The following CENPP variants were observed in gnomAD, a reference collection of about 807,000 sequenced individuals.
CENPP encodes centromere protein P.
In CENPP, 24 loss-of-function variants were observed where a neutral mutation model predicts 35.6. That is an observed-to-expected ratio of 0.67 (90% confidence interval 0.49 to 0.95). The LOEUF (loss-of-function observed/expected upper bound fraction) is 0.95, where lower values mean the gene tolerates loss of function less well. Among genes scored for constraint, CENPP ranks in the 40% least tolerant of loss-of-function variants. CENPP has a pLI of 0.00. For missense variants in CENPP, 332 were observed against 345.3 expected (o/e 0.96, Z 0.31); for synonymous variants, 120 against 125.5 (o/e 0.96, Z 0.29).
intron 5 of CENPP, among the ~76,000 whole-genome samples, chr9:92,580,546 A>G (rs374930779): frequency 0.052 from 7,879 of 151,552 alleles, 241 homozygotes; most frequent in South Asian, 0.1. Context: ...TGTATGTGTC[A>G]AGGAATTTAT....
chr9:92,335,096 G>A (rs1840884534), intron 2 of CENPP, among the ~76,000 whole-genome samples: 1 of 152,202 alleles, frequency 6.6e-6, no homozygotes, highest in Admixed American at 6.5e-5. Flanking sequence ...AGAGGTTGCA[G>A]TGAGTGGAGA....
At chr9:92,536,885 T>TTTA (rs1849189530) in intron 5 of CENPP, among the ~76,000 whole-genome samples, 2 of 151,360 alleles carry the variant, frequency 1.3e-5, no homozygotes, top group African/African-American at 2.4e-5. Flanking sequence ...TTTTTTTTTT[T>TTTA]GAGACGGGAG....
At chr9:92,390,990 T>G (rs1437616414) in intron 5 of CENPP, among the ~76,000 whole-genome samples, 1 of 151,956 alleles carries the variant, frequency 6.6e-6, no homozygotes, top group Non-Finnish European at 1.5e-5. Flanking sequence ...TCAGGCCAGG[T>G]GTGGTGGCTT....
chr9:92,497,191 G>T (rs1846394764), intron 5 of CENPP, among the ~76,000 whole-genome samples: 1 of 152,178 alleles, frequency 6.6e-6, no homozygotes, highest in Non-Finnish European at 1.5e-5. Flanking sequence ...ATTATTTTTA[G>T]TAGTAAGAGT....
chr9:92,515,852 A>C (rs921703928), intron 5 of CENPP, among the ~76,000 whole-genome samples: 2 of 152,152 alleles, frequency 1.3e-5, no homozygotes, highest in African/African-American at 4.8e-5. Context: ...TTCTGGACTT[A>C]AGTGATGTTG....
At position 92,617,775 on chromosome 9, in the gene CENPP, G is replaced by C. The variant is rs1422534355; in HGVS notation, c.*4626G>C. 5.6e-6 allele frequency: 1 copy of C among 178,252 alleles called. No homozygotes were observed. The highest frequency in any genetic ancestry group is 5.5e-5 in the Admixed American group (1 of 18,324). 11.0% of individuals were successfully genotyped at this position (178,252 alleles called of 1,614,324 possible). A position where few individuals can be genotyped will look rare whatever the true frequency, so the allele number is the denominator to read the frequency against. On this transcript the variant is annotated 3_prime_UTR_variant, in exon 8 of 8. Transcript: ENST00000375587. ...AATGGGAGGTCGAGAGGAGCATCAG[G>C]GTTTAGGCCGGGAAGCTGTGGCAGC...
intron 4 of CENPP, among the ~76,000 whole-genome samples, chr9:92,362,413 CTT>C (rs979155229): frequency 6.6e-6 from 1 of 152,054 alleles, no homozygotes; most frequent in Non-Finnish European, 1.5e-5. Flanking sequence ...TTTCTTTCTA[CTT>C]TTTTCCCCCA....
chr9:92,418,237 C>T (rs1843678390), intron 5 of CENPP, among the ~76,000 whole-genome samples: 1 of 152,002 alleles, frequency 6.6e-6, no homozygotes, highest in South Asian at 2.1e-4. Flanking sequence ...CAGGCGCGTG[C>T]CACCACGCTT....
chr9:92,457,994 A>T (rs1844948641), intron 5 of CENPP, among the ~76,000 whole-genome samples: 1 of 152,190 alleles, frequency 6.6e-6, no homozygotes, highest in African/African-American at 2.4e-5. Context: ...ATTGTGAAGA[A>T]TTATTAGCTA....
intron 5 of CENPP, among the ~76,000 whole-genome samples, chr9:92,518,620 G>A (rs1190273396): frequency 6.6e-6 from 1 of 152,116 alleles, no homozygotes; most frequent in Non-Finnish European, 1.5e-5. Flanking sequence ...ATACTGTCTG[G>A]GCACGGTGGC....
At chr9:92,470,554 G>C in intron 5 of CENPP, 1 of 547,654 alleles carries the variant, frequency 1.8e-6, no homozygotes, top group Non-Finnish European at 3.0e-6. Flanking sequence ...AGGGATTTTT[G>C]TCATTCTTTA....
chr9:92,616,131 T>C lies in CENPP; in HGVS notation c.*2982T>C. The C allele has an allele frequency of 9.9e-7, 1 of 1,011,018 alleles. No individual in the cohort carries two copies. Among genetic ancestry groups the C allele is most frequent in the Non-Finnish European group, 1.5e-6 (1 of 675,962 alleles). The allele number at this position is 1,011,018 out of a possible 1,614,324, so 62.6% of individuals were successfully genotyped here. ...TCCCTCCCTCCCGTTCTCTCTCCCT[T>C]TCTTCTTTCAACTAGTATGTTTTTA... On this transcript the variant is annotated 3_prime_UTR_variant, in exon 8 of 8. Coordinates refer to ENST00000375587, the MANE Select transcript of CENPP (RefSeq NM_001012267.3).
intron 5 of CENPP, among the ~76,000 whole-genome samples, chr9:92,492,219 G>A (rs975081561): frequency 6.6e-6 from 1 of 152,142 alleles, no homozygotes; most frequent in African/African-American, 2.4e-5. Flanking sequence ...TTATCCTTTA[G>A]CTATATACCT....
chr9:92,475,111 T>C (rs908243044), intron 5 of CENPP, among the ~76,000 whole-genome samples: 5 of 152,180 alleles, frequency 3.3e-5, no homozygotes, highest in Non-Finnish European at 7.4e-5. Flanking sequence ...AAAATATCTC[T>C]TTTTCAGATA....
At chr9:92,517,468 A>C in intron 5 of CENPP, 1 of 632,208 alleles carries the variant, frequency 1.6e-6, no homozygotes, top group African/African-American at 1.8e-5. Flanking sequence ...AAGTTTACTG[A>C]ATCTGATAGA....
intron 5 of CENPP, among the ~76,000 whole-genome samples, chr9:92,399,780 T>A (rs551211242): frequency 6.6e-6 from 1 of 152,362 alleles, no homozygotes; most frequent in South Asian, 2.1e-4. Context: ...GTGATTTAGG[T>A]TGGTACCTTT....
At chr9:92,441,329 ACAC>A (rs1463987328) in intron 5 of CENPP, among the ~76,000 whole-genome samples, 1 of 152,224 alleles carries the variant, frequency 6.6e-6, no homozygotes, top group Non-Finnish European at 1.5e-5. Context: ...ATGTTAAAGT[ACAC>A]CACAAGTACG....
chr9:92,465,816 T>A (rs1247089093), intron 5 of CENPP, among the ~76,000 whole-genome samples: 7 of 152,024 alleles, frequency 4.6e-5, no homozygotes, highest in African/African-American at 7.2e-5. Context: ...GAAACCACGC[T>A]AAGTGTTTCA....
At chr9:92,510,105 C>A in intron 5 of CENPP, 2 of 1,503,864 alleles carry the variant, frequency 1.3e-6, no homozygotes, top group South Asian at 1.3e-5. Flanking sequence ...ATATAATGGT[C>A]GTGACTAAAA....
Sources: gnomAD v4.1 joint callset for allele counts (sites outside exome capture counted in the v4.1 genomes callset) on GRCh38, gnomAD v4.1.1 for gene constraint, MANE v1.5 for transcripts, NCBI Gene and HGNC (gene_info 2026-07-23, HGNC 2026-07-21) for gene names.